Variants in ZZZ3 observed in about 807,000 individuals in gnomAD.
The protein encoded by ZZZ3 is zinc finger ZZ-type containing 3.
Under a neutral mutation model 95.2 loss-of-function variants are expected in ZZZ3, and 22 were observed. The ratio of observed to expected loss-of-function variants is 0.23; its 90% CI spans 0.17 to 0.33. The LOEUF is 0.33. ZZZ3 is among the 10% of genes least tolerant of loss of function. ZZZ3 has a pLI of 1.00. For missense variants in ZZZ3, 885 were observed against 1,066.5 expected (o/e 0.83, Z 2.37); for synonymous variants, 335 against 358.9 (o/e 0.93, Z 0.75).
chr1:77,615,150 C>G (rs1252849574), intron 5 of ZZZ3, among the ~76,000 whole-genome samples: 1 of 152,136 alleles, frequency 6.6e-6, no homozygotes, highest in East Asian at 1.9e-4. Context: ...TTCTTCCTAC[C>G]TAACAACAAA....
chr1:77,682,321 T>A (rs555949701), intron 1 of ZZZ3, among the ~76,000 whole-genome samples: 84 of 152,306 alleles, frequency 5.5e-4, no homozygotes, highest in African/African-American at 1.9e-3. Flanking sequence ...AGGAACGGTA[T>A]CCAATGGAAT....
At chr1:77,581,753 C>G in intron 8 of ZZZ3, 23 bp downstream of exon 8, 1 of 1,544,598 alleles carries the variant, frequency 6.5e-7, no homozygotes. Context: ...AATTCTCCTA[C>G]TCCAATATTT....
chr1:77,567,150 C>G (rs1001223551), intron 13 of ZZZ3, among the ~76,000 whole-genome samples: 2 of 152,152 alleles, frequency 1.3e-5, no homozygotes, highest in Non-Finnish European at 2.9e-5. Context: ...TTCATGTGCA[C>G]CCACCAACAC....
chr1:77,633,544 A>C, intron 4 of ZZZ3, 139 bp from the exon 5 acceptor site: 1 of 508,404 alleles, frequency 2.0e-6, no homozygotes, highest in East Asian at 3.2e-5. Flanking sequence ...CCAATATTAA[A>C]TTATGTGATA....
chr1:77,659,469 GCCTGGCCAACATGGTGAAACCCA>G (rs1670588415), intron 1 of ZZZ3, among the ~76,000 whole-genome samples: 1 of 151,876 alleles, frequency 6.6e-6, no homozygotes, highest in African/African-American at 2.4e-5. Context: ...CTCGAGACCA[GCCTGGCCAACATGGTGAAACCCA>G]CCTGGCCAAC....
intron 5 of ZZZ3, among the ~76,000 whole-genome samples, chr1:77,612,658 T>C (rs1337559679): frequency 6.6e-6 from 1 of 152,016 alleles, no homozygotes; most frequent in African/African-American, 2.4e-5. Flanking sequence ...CTAGAGGGCA[T>C]TATGCTACAT....
intron 1 of ZZZ3, among the ~76,000 whole-genome samples, chr1:77,658,587 C>T (rs1334718657): frequency 7.3e-5 from 11 of 151,484 alleles, no homozygotes; most frequent in Non-Finnish European, 1.3e-4. Context: ...TGATCTCCAA[C>T]TCCTGGGCTC....
At chr1:77,644,296 C>T (rs1185655091) in intron 1 of ZZZ3, among the ~76,000 whole-genome samples, 1 of 152,038 alleles carries the variant, frequency 6.6e-6, no homozygotes, top group East Asian at 1.9e-4. Context: ...AAATCCTGAC[C>T]TCAGGTGATC....
intron 5 of ZZZ3, among the ~76,000 whole-genome samples, chr1:77,612,969 AGAT>A (rs1239765611): frequency 6.6e-6 from 1 of 152,058 alleles, no homozygotes; most frequent in Non-Finnish European, 1.5e-5. Flanking sequence ...TAGCTATATG[AGAT>A]GATAGATATG....
At chr1:77,622,063 C>A (rs1407078486) in intron 5 of ZZZ3, among the ~76,000 whole-genome samples, 1 of 149,758 alleles carries the variant, frequency 6.7e-6, no homozygotes, top group Non-Finnish European at 1.5e-5. Flanking sequence ...GTAATCCCAA[C>A]ACTTTGGGAG....
chr1:77,588,762 C>G (rs1238791075), intron 5 of ZZZ3, among the ~76,000 whole-genome samples: 1 of 151,966 alleles, frequency 6.6e-6, no homozygotes, highest in Non-Finnish European at 1.5e-5. Context: ...ATAGTTATAC[C>G]TTTTCCGTAA....
intron 1 of ZZZ3, among the ~76,000 whole-genome samples, chr1:77,647,326 C>G (rs976644458): frequency 1.3e-5 from 2 of 152,138 alleles, no homozygotes; most frequent in Admixed American, 6.5e-5. Context: ...CAAAACCGGC[C>G]TAGCCAACAT....
At position 77,570,607 on chromosome 1, in the gene ZZZ3, A is replaced by G. The variant is rs181596481; in HGVS notation, c.2332-2141T>C. ...AATAAAAGATTCTTCACAATTTCAC[A>G]CTTCATCTATCTTATCTCCCACTTT... is the stretch of plus-strand genomic sequence containing the variant. On this transcript the variant is annotated intron_variant, in intron 12 of 14. Coordinates refer to ENST00000370801, the MANE Select transcript of ZZZ3 (RefSeq NM_015534.6). Among the ~76,000 whole-genome samples the G allele has an allele frequency of 1.8e-3, 275 of 151,112 alleles. 5 individuals carry two copies. The highest frequency in any genetic ancestry group is 0.014 in the Admixed American group (217 of 15,186).
intron 4 of ZZZ3, among the ~76,000 whole-genome samples, chr1:77,638,905 T>C (rs1219290159): frequency 6.6e-6 from 1 of 152,180 alleles, no homozygotes; most frequent in Non-Finnish European, 1.5e-5. Context: ...ATGTTAAAAG[T>C]AGAAGAGTAA....
chr1:77,601,701 A>G (rs1055266550), intron 5 of ZZZ3, among the ~76,000 whole-genome samples: 4 of 152,206 alleles, frequency 2.6e-5, no homozygotes, highest in African/African-American at 9.6e-5. Context: ...TTACATTATC[A>G]TCATCATTTT....
chr1:77,565,409 G>A lies in ZZZ3; in HGVS notation c.*231C>T. ...TTAAGATCACCACCTAAAACGCAGT[G>A]GTGAAAAATTCACCAGGGAAACCTT... is the stretch of plus-strand genomic sequence containing the variant. On this transcript the variant is annotated 3_prime_UTR_variant, in exon 15 of 15. Coordinates refer to ENST00000370801, the MANE Select transcript of ZZZ3 (RefSeq NM_015534.6). 2.3e-6 allele frequency: 1 copy of A among 432,590 alleles called. No homozygotes were observed. The allele number at this position is 432,590 out of a possible 1,614,324, so 26.8% of individuals were successfully genotyped here. A position where few individuals can be genotyped will look rare whatever the true frequency, so the allele number is the denominator to read the frequency against.
At chr1:77,616,890 A>T (rs962699411) in intron 5 of ZZZ3, among the ~76,000 whole-genome samples, 1 of 152,102 alleles carries the variant, frequency 6.6e-6, no homozygotes, top group Non-Finnish European at 1.5e-5. Context: ...TAAATAAAAT[A>T]AAAATAAAAA....
At chr1:77,592,753 C>T (rs975576350) in intron 5 of ZZZ3, among the ~76,000 whole-genome samples, 4 of 152,168 alleles carry the variant, frequency 2.6e-5, no homozygotes, top group African/African-American at 9.7e-5. Context: ...TTTAAAAATA[C>T]AGTAACTAAA....
intron 5 of ZZZ3, among the ~76,000 whole-genome samples, chr1:77,604,052 T>C (rs891180529): frequency 6.6e-6 from 1 of 152,140 alleles, no homozygotes; most frequent in African/African-American, 2.4e-5. Flanking sequence ...CCGGTAGTCC[T>C]AGCTACTCAG....
Sources: gnomAD v4.1 joint callset for allele counts (sites outside exome capture counted in the v4.1 genomes callset) on GRCh38, gnomAD v4.1.1 for gene constraint, MANE v1.5 for transcripts, NCBI Gene and HGNC (gene_info 2026-07-23, HGNC 2026-07-21) for gene names.